DGKI: variants seen among roughly 807,000 people sequenced by gnomAD.
DGKI encodes DAG kinase iota.
In DGKI, 55 loss-of-function variants were observed where a neutral mutation model predicts 147.5. The observed-to-expected ratio is 0.37, with a 90% CI of 0.30 to 0.47. The LOEUF (loss-of-function observed/expected upper bound fraction) is 0.47. Ranked by LOEUF, DGKI falls within the 20% of genes least tolerant of loss-of-function variation. The pLI, the probability that DGKI is intolerant of heterozygous loss-of-function variation, is 1.00. For missense variants in DGKI, 1,007 were observed against 1,323.8 expected (o/e 0.76, Z 3.71); for synonymous variants, 469 against 477.1 (o/e 0.98, Z 0.22).
rs371540201 is a variant in DGKI at position 137,463,471 on chromosome 7, C to G, written c.2735+18G>C. 5.6e-6 allele frequency: 9 copies of G among 1,612,670 alleles called. No individual in the cohort carries two copies. Among genetic ancestry groups the G allele is most frequent in the Non-Finnish European group, 1.7e-6 (2 of 1,179,576 alleles). On this transcript the variant is annotated intron_variant, in intron 27 of 32. Coordinates refer to ENST00000614521, the MANE Select transcript of DGKI (RefSeq NM_001321708.2). ...ATCACAGTGGCACAGAGGAAAAGAA[C>G]AGCAAGAGAACTCTTACTGTAGCAC... is the stretch of plus-strand genomic sequence containing the variant.
intron 17 of DGKI, among the ~76,000 whole-genome samples, chr7:137,574,039 G>A (rs1341423127): frequency 6.6e-6 from 1 of 152,180 alleles, no homozygotes; most frequent in South Asian, 2.1e-4. Context: ...GGAGAGAGGA[G>A]CAAAGCATCC....
intron 21 of DGKI, among the ~76,000 whole-genome samples, chr7:137,516,261 C>T (rs1273289610): frequency 6.6e-6 from 1 of 152,060 alleles, no homozygotes; most frequent in Admixed American, 6.6e-5. Context: ...AGGAAATATG[C>T]TGATGAAAAA....
chr7:137,429,880 C>G (rs1196794074), intron 28 of DGKI, among the ~76,000 whole-genome samples: 1 of 118,908 alleles, frequency 8.4e-6, no homozygotes, highest in African/African-American at 3.2e-5. Context: ...GTTAGAATGG[C>G]AATCATTAAA....
chr7:137,409,886 GTCTC>G (rs150607069), intron 29 of DGKI, among the ~76,000 whole-genome samples: 27 of 149,558 alleles, frequency 1.8e-4, no homozygotes, highest in East Asian at 9.8e-4. Context: ...CGCTCTCTTT[GTCTC>G]TCTCTCTCTC....
chr7:137,432,876 C>T (rs1454778816), intron 28 of DGKI, among the ~76,000 whole-genome samples: 2 of 152,162 alleles, frequency 1.3e-5, no homozygotes, highest in African/African-American at 2.4e-5. Context: ...GTCTCCATAT[C>T]CCATACTCTT....
intron 26 of DGKI, among the ~76,000 whole-genome samples, chr7:137,464,491 T>C (rs1012407712): frequency 7.2e-5 from 11 of 152,242 alleles, no homozygotes; most frequent in African/African-American, 1.9e-4. Context: ...CCCACGAAGT[T>C]GGCCTTCCCC....
chr7:137,740,560 G>A (rs1795146714), intron 1 of DGKI, among the ~76,000 whole-genome samples: 1 of 152,174 alleles, frequency 6.6e-6, no homozygotes, highest in Non-Finnish European at 1.5e-5. Context: ...GAGGTCGTCT[G>A]CAAGAAATGG....
intron 1 of DGKI, among the ~76,000 whole-genome samples, chr7:137,765,944 A>C (rs970580557): frequency 2.0e-5 from 3 of 152,216 alleles, no homozygotes; most frequent in Non-Finnish European, 4.4e-5. Context: ...AGGCATTTAA[A>C]TCAGTATGGC....
intron 1 of DGKI, among the ~76,000 whole-genome samples, chr7:137,822,678 C>A (rs1797939887): frequency 6.6e-6 from 1 of 151,606 alleles, no homozygotes. Flanking sequence ...AAGCTATCAG[C>A]ATGAAGAGAA....
At position 137,638,586 on chromosome 7, in the gene DGKI, A is replaced by G. The variant is rs1192705741; in HGVS notation, c.804+6886T>C. ...TATACACACATATATGTATATATACACATATATACATATATGTATATATAT... is the reference window on the plus strand; with the variant it reads ...TATACACACATATATGTATATATACGCATATATACATATATGTATATATAT... On this transcript the variant is annotated intron_variant, in intron 6 of 32. Transcript: ENST00000614521. Among the ~76,000 whole-genome samples, 3 of 34,444 alleles carry G rather than the reference A, an allele frequency of 8.7e-5. 1 individual carries two copies. Among genetic ancestry groups the G allele is most frequent in the African/African-American group, 2.3e-4 (3 of 13,276 alleles). 22.6% of individuals were successfully genotyped at this position (34,444 alleles called of 152,430 possible).
chr7:137,552,616 A>C (rs1343949708), intron 19 of DGKI, 48 bp from the exon 20 acceptor site: 1 of 1,592,560 alleles, frequency 6.3e-7, no homozygotes. Flanking sequence ...TTATTATTTA[A>C]GAAAGCTGGA....
At chr7:137,631,157 T>C (rs1585306265) in intron 6 of DGKI, among the ~76,000 whole-genome samples, 1 of 152,346 alleles carries the variant, frequency 6.6e-6, no homozygotes, top group South Asian at 2.1e-4. Flanking sequence ...AGCTCGTTGA[T>C]TGCAGAAAAT....
intron 14 of DGKI, among the ~76,000 whole-genome samples, chr7:137,584,686 A>G (rs757732390): frequency 2.6e-5 from 4 of 152,212 alleles, no homozygotes; most frequent in Non-Finnish European, 5.9e-5. Flanking sequence ...ATGCAGTTTG[A>G]ATCTAAAATA....
chr7:137,694,319 CAA>C (rs56163124), intron 1 of DGKI, among the ~76,000 whole-genome samples: 16 of 77,660 alleles, frequency 2.1e-4, no homozygotes, highest in Non-Finnish European at 2.4e-4. Flanking sequence ...GACTCCGTCT[CAA>C]AAAAAAAAAA....
chr7:137,582,585 C>T (rs1414528148), intron 14 of DGKI, among the ~76,000 whole-genome samples: 1 of 152,014 alleles, frequency 6.6e-6, no homozygotes, highest in Non-Finnish European at 1.5e-5. Context: ...CTCATTTAAT[C>T]TATCAACCCT....
intron 8 of DGKI, among the ~76,000 whole-genome samples, chr7:137,612,267 G>C (rs1820391424): frequency 8.4e-6 from 1 of 118,370 alleles, no homozygotes; most frequent in Non-Finnish European, 1.6e-5. Context: ...GCAAATACAA[G>C]TGCTTCTAGC....
At chr7:137,832,473 C>T (rs1011177677) in intron 1 of DGKI, among the ~76,000 whole-genome samples, 2 of 152,240 alleles carry the variant, frequency 1.3e-5, no homozygotes, top group Non-Finnish European at 2.9e-5. Context: ...CCCTCTGAAG[C>T]AATAGCTCAA....
chr7:137,546,437 T>C (rs1817868992), intron 20 of DGKI, among the ~76,000 whole-genome samples: 1 of 152,190 alleles, frequency 6.6e-6, no homozygotes, highest in African/African-American at 2.4e-5. Context: ...ATAGGAACAC[T>C]CACCAAAAGA....
At chr7:137,735,541 G>A (rs1024151782) in intron 1 of DGKI, among the ~76,000 whole-genome samples, 4 of 135,882 alleles carry the variant, frequency 2.9e-5, no homozygotes, top group South Asian at 4.4e-4. Context: ...TGAGGTAGAC[G>A]GGTTTTTTCT....
Sources: allele counts gnomAD v4.1 joint callset (sites outside exome capture counted in the v4.1 genomes callset), GRCh38; gene constraint gnomAD v4.1.1; transcripts MANE v1.5; gene names NCBI Gene and HGNC (gene_info 2026-07-23, HGNC 2026-07-21).